The following SRPRA variants were observed in gnomAD, a reference collection of about 807,000 sequenced individuals.
The protein encoded by SRPRA is signal recognition particle receptor subunit alpha.
In SRPRA, 30 loss-of-function variants were observed where a neutral mutation model predicts 61.1. That is an observed-to-expected ratio of 0.49 (90% confidence interval 0.37 to 0.67). The LOEUF is 0.67. Among genes scored for constraint, SRPRA ranks in the 30% least tolerant of loss-of-function variants. The probability of loss-of-function intolerance (pLI) is 0.00; values close to 1 mark genes in which losing one functional copy is unlikely to be tolerated. For synonymous variants in SRPRA, 324 were observed against 299.7 expected (o/e 1.08, Z -0.84); for missense variants, 759 against 828.4 (o/e 0.92, Z 1.03).
Position 126,268,080 on chromosome 11 carries a change from C to T in SRPRA, c.124G>A (p.Gly42Arg), listed in dbSNP as rs2135245471. The T allele has an allele frequency of 1.2e-6, 2 of 1,613,972 alleles. No homozygotes were observed. Among genetic ancestry groups the T allele is most frequent in the Non-Finnish European group, 1.7e-6 (2 of 1,179,952 alleles). Residue 42 changes from glycine (G) to arginine (R), a missense_variant, in exon 2 of 14, where the codon GGA becomes AGA. By Grantham distance (125) the Gly-to-Arg change is moderately radical. Around this residue, in one of 2 missense-constraint regions of SRPRA, gnomAD observed 475 missense variants for 462.5 expected, o/e 1.03. Coordinates refer to ENST00000332118, the MANE Select transcript of SRPRA (RefSeq NM_003139.4). Reference protein sequence around the residue: ...LIRSVLLQERGGNNSFTHEAL... With the variant: ...LIRSVLLQERRGNNSFTHEAL... ...TCATGGGTGAAGGAGTTGTTACCTCCCCGTTCCTGGAGAAAGAGTATGTCT... is the reference window on the plus strand; with the variant it reads ...TCATGGGTGAAGGAGTTGTTACCTCTCCGTTCCTGGAGAAAGAGTATGTCT...
rs568975073 is a variant in SRPRA, at chr11:126,263,513, C to G, written c.*403G>C. The G allele has an allele frequency of 2.0e-4, 33 of 165,130 alleles. No individual in the cohort carries two copies. The highest frequency in any genetic ancestry group is 2.1e-4 in the Non-Finnish European group (16 of 75,454). The allele number at this position is 165,130 out of a possible 1,614,324, so 10.2% of individuals were successfully genotyped here. A position where few individuals can be genotyped will look rare whatever the true frequency, so the allele number is the denominator to read the frequency against. Reference sequence around the variant, plus strand: ...GAGAGGTGCCATTCAAGACCTGGCGCTGGCTCTGGAAGAGTCTCTTAACCT... The same window carrying G: ...GAGAGGTGCCATTCAAGACCTGGCGGTGGCTCTGGAAGAGTCTCTTAACCT... On this transcript the variant is annotated 3_prime_UTR_variant, in exon 14 of 14. Coordinates refer to ENST00000332118, the MANE Select transcript of SRPRA (RefSeq NM_003139.4).
At chr11:126,256,517 G>T in the SRPRA span, 1 of 1,566,666 alleles carries the variant, frequency 6.4e-7, no homozygotes, top group South Asian at 1.2e-5. The surrounding 1 kb of genome is among the most constrained non-coding windows in gnomAD (Gnocchi z 6.6). Flanking sequence ...TTTCAGACTT[G>T]CCTTGAGTGT....
At position 126,266,612 on chromosome 11, in the gene SRPRA, T is replaced by C. The variant is rs1950814399; in HGVS notation, c.704A>G (p.Asp235Gly). ...TTTTTTGCCCTTCTCCTTTGGAGCA[T>C]CTGACTTCGTGGACTTGCTGCAACA... ...MEKSNKSTKS[D>G]APKEKGKKAP... The change falls in exon 6 of 14, where the codon GAT becomes GGT. Residue 235 changes from aspartate to glycine, a missense_variant. This residue lies in a region of SRPRA where 475 missense variants were observed against 462.5 expected (regional missense o/e 1.03). Transcript: ENST00000332118. The C allele has an allele frequency of 6.2e-7, 1 of 1,613,998 alleles. No individual in the cohort carries two copies. Among genetic ancestry groups the C allele is most frequent in the Non-Finnish European group, 8.5e-7 (1 of 1,179,932 alleles).
chr11:126,254,533 T>TG, the SRPRA span: 3 of 1,498,268 alleles, frequency 2.0e-6, no homozygotes, highest in African/African-American at 4.1e-5. Context: ...TTTCATTAAG[T>TG]GAAAACGGAA....
Position 126,265,193 on chromosome 11 carries a change from A to G in SRPRA, c.1312-21T>C. 6.2e-7 allele frequency: 1 copy of G among 1,614,068 alleles called. No homozygotes were observed. Among genetic ancestry groups the G allele is most frequent in the South Asian group, 1.1e-5 (1 of 91,074 alleles). On this transcript the variant is annotated intron_variant, in intron 10 of 13. Transcript: ENST00000332118. This position sits in a 1 kb window ranked among gnomAD's most constrained non-coding sequence, Gnocchi z 6.3. ...GAAATCTGTGAAAAAGACGTAAGAA[A>G]AGTCACCTAAAGCCAGGATTTTGAG...
the SRPRA span, chr11:126,254,223 C>T: frequency 6.6e-7 from 1 of 1,516,028 alleles, no homozygotes; most frequent in African/African-American, 1.4e-5. Context: ...GTCTAGTCCT[C>T]AAAACAGCCT....
chr11:126,267,198 T>C lies in SRPRA; in HGVS notation c.503A>G (p.Lys168Arg), dbSNP rs1278318743. The change falls in exon 4 of 14, where the codon AAA becomes AGA. Residue 168 changes from lysine to arginine, a missense_variant. This residue lies in a region of SRPRA where 475 missense variants were observed against 462.5 expected (regional missense o/e 1.03). Transcript: ENST00000332118. This position sits in a 1 kb window ranked among gnomAD's most constrained non-coding sequence, Gnocchi z 4.2. ...GCCTTCCTTCTTGGCCCCCTTTTTT[T>C]TGCTATTCTTTGCTTTTTCCTTGGG... is the stretch of plus-strand genomic sequence containing the variant. ...EKPKEKAKNSKKKGAKKEGSD... is the reference protein window; with the variant it reads ...EKPKEKAKNSRKKGAKKEGSD... The C allele has an allele frequency of 6.2e-7, 1 of 1,614,014 alleles. No homozygotes were observed. The highest frequency in any genetic ancestry group is 8.5e-7 in the Non-Finnish European group (1 of 1,180,038).
chr11:126,253,292 A>G, the SRPRA span, among the ~76,000 whole-genome samples: 1 of 152,116 alleles, frequency 6.6e-6, no homozygotes, highest in Non-Finnish European at 1.5e-5. The surrounding 1 kb of genome is among the most constrained non-coding windows in gnomAD (Gnocchi z 5.1). Flanking sequence ...GGTAGTCAGA[A>G]TGGGGCCTAG....
chr11:126,265,990 G>A lies in SRPRA; in HGVS notation c.1024C>T (p.Leu342=), dbSNP rs746316821. ...SLSREDMESV[L]DKMRDHLIAK... ...ATGAGATGATCACGCATCTTGTCCA[G>A]CACAGATTCCATGTCTTCACGACTC... The change falls in exon 8 of 14, where the codon CTG becomes TTG. Residue 342 remains leucine, a synonymous_variant. Transcript: ENST00000332118. The surrounding 1 kb of genome is among the most constrained non-coding windows in gnomAD (Gnocchi z 6.3). 6.2e-7 allele frequency: 1 copy of A among 1,614,144 alleles called. No homozygotes were observed. The highest frequency in any genetic ancestry group is 1.1e-5 in the South Asian group (1 of 91,088).
rs1950793960 is a variant in SRPRA, at chr11:126,265,638, G to A, written c.1138+99C>T. The A allele has an allele frequency of 2.2e-6, 3 of 1,375,072 alleles. No individual in the cohort carries two copies. Among genetic ancestry groups the A allele is most frequent in the Admixed American group, 1.9e-5 (1 of 53,712 alleles). The allele number at this position is 1,375,072 out of a possible 1,614,324, so 85.2% of individuals were successfully genotyped here. ...TTAAAATCTAGGTTACAGAGGTTTAGAGGTTAAGGAATTTGCCGAAAGTCA... is the reference window on the plus strand; with the variant it reads ...TTAAAATCTAGGTTACAGAGGTTTAAAGGTTAAGGAATTTGCCGAAAGTCA... On this transcript the variant is annotated intron_variant, in intron 9 of 13. Coordinates refer to ENST00000332118, the MANE Select transcript of SRPRA (RefSeq NM_003139.4). The surrounding 1 kb of genome is among the most constrained non-coding windows in gnomAD (Gnocchi z 6.3).
In SRPRA at chr11:126,264,344, A is replaced by G; in HGVS notation, c.1689+32T>C. ...AACCATCTAAATTGACCAAAGCTCA[A>G]GTTGTAAAGGGAACTGGGCCCACGC... On this transcript the variant is annotated intron_variant, in intron 12 of 13. Transcript: ENST00000332118. This position sits in a 1 kb window ranked among gnomAD's most constrained non-coding sequence, Gnocchi z 5.0. 2 of 1,613,666 alleles carry G rather than the reference A, an allele frequency of 1.2e-6. No individual in the cohort carries two copies. Among genetic ancestry groups the G allele is most frequent in the Non-Finnish European group, 1.7e-6 (2 of 1,179,610 alleles).
chr11:126,260,504 G>A (rs1008760029), downstream of SRPRA: 6 of 151,788 alleles, frequency 4.0e-5, no homozygotes, highest in African/African-American at 1.2e-4. Context: ...TCCAGTAGGG[G>A]TGTTACAGTT....
the SRPRA span, among the ~76,000 whole-genome samples, chr11:126,238,279 T>C: frequency 3.9e-5 from 6 of 152,074 alleles, no homozygotes; most frequent in African/African-American, 1.4e-4. Context: ...AGAGAATCAC[T>C]TGAACCCAGG....
chr11:126,268,610 C>G, intron 1 of SRPRA, 78 bp downstream of exon 1: 1 of 1,235,178 alleles, frequency 8.1e-7, no homozygotes. Context: ...TGGGAGGAGG[C>G]GCGGAATAGA....
At chr11:126,243,712 G>A in the SRPRA span, among the ~76,000 whole-genome samples, 3 of 151,678 alleles carry the variant, frequency 2.0e-5, no homozygotes, top group Admixed American at 6.6e-5. Context: ...GAGATCAGCC[G>A]GACCAACATG....
the SRPRA span, chr11:126,256,857 G>A: frequency 6.2e-7 from 1 of 1,603,206 alleles, no homozygotes; most frequent in Non-Finnish European, 8.5e-7. This position sits in a 1 kb window ranked among gnomAD's most constrained non-coding sequence, Gnocchi z 6.6. Flanking sequence ...CATCAGGTAA[G>A]ATGCATTTTG....
At chr11:126,248,981 C>T in the SRPRA span, among the ~76,000 whole-genome samples, 20 of 152,350 alleles carry the variant, frequency 1.3e-4, no homozygotes, top group African/African-American at 4.6e-4. Flanking sequence ...GCCAGTTTCC[C>T]ACCTGAAGTT....
chr11:126,237,617 G>A, the SRPRA span, among the ~76,000 whole-genome samples: 13 of 138,938 alleles, frequency 9.4e-5, no homozygotes, highest in East Asian at 8.8e-4. Context: ...TGGGCAGATC[G>A]TGAGGTCAGG....
chr11:126,237,885 A>G, the SRPRA span, among the ~76,000 whole-genome samples: 3 of 151,056 alleles, frequency 2.0e-5, no homozygotes, highest in Admixed American at 2.0e-4. Context: ...AAAAGAAAAA[A>G]TATATGTGAG....
Sources: gnomAD v4.1 joint callset for allele counts (sites outside exome capture counted in the v4.1 genomes callset) on GRCh38, gnomAD v4.1.1 for gene constraint, gnomAD v4.1.1 regional missense constraint, Gnocchi (gnomAD v3.1) non-coding constraint, MANE v1.5 for transcripts, NCBI Gene and HGNC (gene_info 2026-07-23, HGNC 2026-07-21) for gene names.